Variants in REDIC1 observed in about 807,000 individuals in gnomAD.
The protein encoded by REDIC1 is regulator of DNA class I crossover intermediates 1.
chr12:39,675,115 C>T, the REDIC1 span, among the ~76,000 whole-genome samples: 7 of 152,200 alleles, frequency 4.6e-5, no homozygotes, highest in Admixed American at 4.6e-4. Context: ...ACAGGCTTTA[C>T]TTGCTGTGTG....
the REDIC1 span, among the ~76,000 whole-genome samples, chr12:39,747,071 A>G: frequency 3.3e-5 from 5 of 152,254 alleles, no homozygotes; most frequent in African/African-American, 1.2e-4. Flanking sequence ...ACAAAGCTGG[A>G]CAGAGAATGA....
chr12:39,734,184 T>G, the REDIC1 span, among the ~76,000 whole-genome samples: 1 of 152,176 alleles, frequency 6.6e-6, no homozygotes, highest in African/African-American at 2.4e-5. Context: ...CCTTTGCGCT[T>G]CCTGGGTGAG....
At chr12:39,682,913 C>T in the REDIC1 span, 11 of 1,612,880 alleles carry the variant, frequency 6.8e-6, no homozygotes, top group Non-Finnish European at 9.3e-6. Flanking sequence ...ATGGGAGATA[C>T]TTGTGTAGTC....
At chr12:39,635,372 A>T in the REDIC1 span, among the ~76,000 whole-genome samples, 1 of 152,232 alleles carries the variant, frequency 6.6e-6, no homozygotes, top group African/African-American at 2.4e-5. Context: ...TATTCACAAT[A>T]GCAAAGACTT....
chr12:39,712,419 CATACGTATATATACATACGTATATGT>C, the REDIC1 span, among the ~76,000 whole-genome samples: 5 of 121,874 alleles, frequency 4.1e-5, no homozygotes, highest in African/African-American at 1.5e-4. Context: ...TACGTATATA[CATACGTATATATACATACGTATATGT>C]ATACATACGT....
the REDIC1 span, among the ~76,000 whole-genome samples, chr12:39,707,512 T>C: frequency 5.3e-5 from 8 of 151,980 alleles, 1 homozygote; most frequent in South Asian, 1.7e-3. Context: ...GCTGGATATA[T>C]ACCCAAAAGA....
At chr12:39,904,939 G>C in the REDIC1 span, among the ~76,000 whole-genome samples, 1 of 152,064 alleles carries the variant, frequency 6.6e-6, no homozygotes. Context: ...CATAAGGCAT[G>C]CCACTTTTTG....
At chr12:39,881,047 G>A in the REDIC1 span, among the ~76,000 whole-genome samples, 2 of 152,128 alleles carry the variant, frequency 1.3e-5, no homozygotes, top group African/African-American at 2.4e-5. Context: ...GCCTGTCATT[G>A]TAATTATATA....
chr12:39,714,422 TACAC>T, the REDIC1 span, among the ~76,000 whole-genome samples: 1 of 151,410 alleles, frequency 6.6e-6, no homozygotes, highest in African/African-American at 2.4e-5. Flanking sequence ...TTTAGATATA[TACAC>T]ACACATATTG....
At chr12:39,745,089 T>C in the REDIC1 span, among the ~76,000 whole-genome samples, 1 of 152,230 alleles carries the variant, frequency 6.6e-6, no homozygotes, top group Non-Finnish European at 1.5e-5. Context: ...ATTAGGACTC[T>C]GGGTTAATTC....
At chr12:39,744,158 A>C in the REDIC1 span, among the ~76,000 whole-genome samples, 1 of 152,226 alleles carries the variant, frequency 6.6e-6, no homozygotes, top group African/African-American at 2.4e-5. Flanking sequence ...CTCAGAAACC[A>C]TGCAAGCATG....
At chr12:39,746,915 AACTTATCTGT>A in the REDIC1 span, among the ~76,000 whole-genome samples, 1 of 152,184 alleles carries the variant, frequency 6.6e-6, no homozygotes. Flanking sequence ...CCACACCAAA[AACTTATCTGT>A]ACATCACCAT....
chr12:39,724,492 G>A, the REDIC1 span, among the ~76,000 whole-genome samples: 3 of 152,028 alleles, frequency 2.0e-5, no homozygotes, highest in African/African-American at 7.2e-5. Flanking sequence ...TCTCCCATCT[G>A]TCTCACTCCC....
the REDIC1 span, among the ~76,000 whole-genome samples, chr12:39,686,385 CA>C: frequency 3.2e-4 from 49 of 152,298 alleles, 1 homozygote; most frequent in Admixed American, 3.0e-3. Flanking sequence ...GGCTTAACAC[CA>C]CATGGAAGCC....
At chr12:39,808,779 ATTTAT>A in the REDIC1 span, among the ~76,000 whole-genome samples, 25 of 151,836 alleles carry the variant, frequency 1.6e-4, no homozygotes, top group Admixed American at 1.5e-3. Flanking sequence ...AGGTTGCTTT[ATTTAT>A]TTTAAGTTGT....
chr12:39,824,003 C>A, the REDIC1 span, among the ~76,000 whole-genome samples: 1 of 152,020 alleles, frequency 6.6e-6, no homozygotes. Flanking sequence ...ACATCATATC[C>A]TCTCATTTAT....
the REDIC1 span, among the ~76,000 whole-genome samples, chr12:39,656,705 A>G: frequency 6.6e-6 from 1 of 152,178 alleles, no homozygotes; most frequent in Admixed American, 6.5e-5. Context: ...TTCCAGTGGG[A>G]CAAGATGGGG....
the REDIC1 span, among the ~76,000 whole-genome samples, chr12:39,832,286 A>C: frequency 2.6e-5 from 4 of 152,264 alleles, no homozygotes; most frequent in African/African-American, 9.6e-5. Flanking sequence ...TATTCTGCCC[A>C]TATGAAGTTA....
At chr12:39,862,118 T>G in the REDIC1 span, among the ~76,000 whole-genome samples, 1 of 152,226 alleles carries the variant, frequency 6.6e-6, no homozygotes, top group Non-Finnish European at 1.5e-5. Context: ...AGACATTCTT[T>G]AATACATTCA....
Sources: allele counts gnomAD v4.1 joint callset (sites outside exome capture counted in the v4.1 genomes callset), GRCh38; gene constraint gnomAD v4.1.1; transcripts MANE v1.5; gene names NCBI Gene and HGNC (gene_info 2026-07-23, HGNC 2026-07-21).